DMXL1: variants seen among roughly 807,000 people sequenced by gnomAD.
The protein encoded by DMXL1 is Dmx like 1.
A neutral mutation model predicts 319.2 loss-of-function variants in DMXL1; 99 were observed. That is an observed-to-expected ratio of 0.31 (90% confidence interval 0.26 to 0.37). DMXL1 has a LOEUF of 0.37. Among genes scored for constraint, DMXL1 ranks in the 10% least tolerant of loss-of-function variants. The probability of loss-of-function intolerance (pLI) is 1.00; values close to 1 mark genes in which losing one functional copy is unlikely to be tolerated. For missense variants in DMXL1, 3,745 were observed against 3,595.6 expected (o/e 1.04, Z -1.06); for synonymous variants, 1,385 against 1,235.2 (o/e 1.12, Z -2.54).
rs1790165197 is a variant in DMXL1, at chr5:119,249,082, C to T, written c.*1863C>T. 1 of 152,502 alleles carries T rather than the reference C, an allele frequency of 6.6e-6. No homozygotes were observed. The highest frequency in any genetic ancestry group is 1.5e-5 in the Non-Finnish European group (1 of 67,960). 9.4% of individuals were successfully genotyped at this position (152,502 alleles called of 1,614,324 possible). On this transcript the variant is annotated 3_prime_UTR_variant, in exon 44 of 44. Transcript: ENST00000539542. ...CATTATGTAAGCCCATATGTATTTA[C>T]ATCCAGAGTCATAATATTTTAAATA... is the stretch of plus-strand genomic sequence containing the variant.
At chr5:119,074,839 C>G (rs1750456999) in intron 1 of DMXL1, among the ~76,000 whole-genome samples, 1 of 152,170 alleles carries the variant, frequency 6.6e-6, no homozygotes, top group Non-Finnish European at 1.5e-5. Flanking sequence ...GTGTTTAAAC[C>G]TAACAGTAAG....
At position 119,170,270 on chromosome 5, in the gene DMXL1, C is replaced by T. The variant is rs370326391; in HGVS notation, c.5479C>T (p.His1827Tyr). Residue 1827 changes from histidine (H) to tyrosine (Y), a missense_variant, in exon 24 of 44, where the codon CAT becomes TAT. Physicochemically the swap from His to Tyr is moderately conservative, Grantham distance 83 (BLOSUM62 2). Coordinates refer to ENST00000539542, the MANE Select transcript of DMXL1 (RefSeq NM_001290321.3). Reference sequence around the variant, plus strand: ...AACACATCCTCTTTTGCTGAGACGTCATTTTGGATCATCTGATACATTTTC... The same window carrying T: ...AACACATCCTCTTTTGCTGAGACGTTATTTTGGATCATCTGATACATTTTC... Reference protein sequence around the residue: ...LRTHPLLLRRHFGSSDTFSTH... With the variant: ...LRTHPLLLRRYFGSSDTFSTH... 5.6e-6 allele frequency: 9 copies of T among 1,613,634 alleles called. No individual in the cohort carries two copies. The highest frequency in any genetic ancestry group is 7.6e-6 in the Non-Finnish European group (9 of 1,179,924).
intron 40 of DMXL1, 54 bp downstream of exon 40, chr5:119,237,468 A>G: frequency 1.9e-6 from 2 of 1,070,132 alleles, no homozygotes; most frequent in East Asian, 2.4e-5. Context: ...TTTTAAATAA[A>G]CCAAGAATAC....
In DMXL1 at chr5:119,247,821, T is replaced by C. The variant is rs763479045; in HGVS notation, c.*602T>C. 1.3e-5 allele frequency: 2 copies of C among 152,148 alleles called. No individual in the cohort carries two copies. Among genetic ancestry groups the C allele is most frequent in the Non-Finnish European group, 2.9e-5 (2 of 68,018 alleles). 9.4% of individuals were successfully genotyped at this position (152,148 alleles called of 1,614,324 possible). ...GTATGTATACGTGTGTGTGTGTGTG[T>C]GTGTGTGTATCTTACACATCTTATT... is the stretch of plus-strand genomic sequence containing the variant. On this transcript the variant is annotated 3_prime_UTR_variant, in exon 44 of 44. Coordinates refer to ENST00000539542, the MANE Select transcript of DMXL1 (RefSeq NM_001290321.3).
At chr5:119,154,956 G>T (rs1214548404) in intron 19 of DMXL1, among the ~76,000 whole-genome samples, 1 of 150,730 alleles carries the variant, frequency 6.6e-6, no homozygotes, top group Non-Finnish European at 1.5e-5. Context: ...AACCTATTCT[G>T]CCTGCGCTCT....
At chr5:119,233,311 T>G (rs778573459) in intron 38 of DMXL1, 29 bp from the exon 39 acceptor site, 1 of 1,591,998 alleles carries the variant, frequency 6.3e-7, no homozygotes, top group Non-Finnish European at 8.5e-7. Flanking sequence ...TTGAAATAAA[T>G]CTGCAATTTT....
rs200328610 is a variant in DMXL1, at chr5:119,121,007, T to C, written c.970T>C (p.Ser324Pro). The change falls in exon 9 of 44, where the codon TCA (serine) becomes CCA (proline). Residue 324 changes from serine to proline, a missense_variant. Ser to Pro is a moderately conservative substitution (Grantham distance 74). This residue lies in a region of DMXL1 where 2,096 missense variants were observed against 1,985.4 expected (regional missense o/e 1.06). Coordinates refer to ENST00000539542, the MANE Select transcript of DMXL1 (RefSeq NM_001290321.3). Reference sequence around the variant, plus strand: ...ACATTTTCGTAGAGGTCGGAGGAGATCACTTGCTCTTGTAGCACATACGGG... The same window carrying C: ...ACATTTTCGTAGAGGTCGGAGGAGACCACTTGCTCTTGTAGCACATACGGG... ...LRHFRRGRRR[S>P]LALVAHTGYL... 6.2e-7 allele frequency: 1 copy of C among 1,612,878 alleles called. No individual in the cohort carries two copies. Among genetic ancestry groups the C allele is most frequent in the Non-Finnish European group, 8.5e-7 (1 of 1,179,756 alleles).
At chr5:119,076,716 TG>T (rs1750962634) in intron 1 of DMXL1, among the ~76,000 whole-genome samples, 1 of 152,188 alleles carries the variant, frequency 6.6e-6, no homozygotes, top group Non-Finnish European at 1.5e-5. Context: ...AGGAATTCTT[TG>T]GGGGTGTTTA....
chr5:119,074,365 C>G (rs1434562848), intron 1 of DMXL1, among the ~76,000 whole-genome samples: 2 of 152,200 alleles, frequency 1.3e-5, no homozygotes, highest in East Asian at 3.8e-4. Flanking sequence ...TCTTGCAGTT[C>G]CCCTTGAAAA....
chr5:119,203,455 C>G lies in DMXL1; in HGVS notation c.7863+19C>G. The G allele has an allele frequency of 7.2e-7, 1 of 1,395,562 alleles. No individual in the cohort carries two copies. Among genetic ancestry groups the G allele is most frequent in the Non-Finnish European group, 9.9e-7 (1 of 1,012,034 alleles). 86.4% of individuals were successfully genotyped at this position (1,395,562 alleles called of 1,614,324 possible). On this transcript the variant is annotated intron_variant, in intron 33 of 43. Coordinates refer to ENST00000539542, the MANE Select transcript of DMXL1 (RefSeq NM_001290321.3). ...AAATGAGGTCTGTATAAGTTAAAACCTGTTTACTATTTTATTATTGAAGTC... is the reference window on the plus strand; with the variant it reads ...AAATGAGGTCTGTATAAGTTAAAACGTGTTTACTATTTTATTATTGAAGTC...
intron 1 of DMXL1, among the ~76,000 whole-genome samples, chr5:119,075,350 G>A (rs914850744): frequency 1.3e-5 from 2 of 148,692 alleles, no homozygotes; most frequent in African/African-American, 2.5e-5. Flanking sequence ...AGCTGTTCTC[G>A]TGCCTCTGCC....
Position 119,147,435 on chromosome 5 carries a change from A to G in DMXL1, c.2876A>G (p.Glu959Gly), listed in dbSNP as rs369595436. ...TATAGCCAAGAATTGCATTTACCAG[A>G]AGGAGTTGAGATAATAAGTATTAAG... ...MVYSQELHLPEGVEIISIKPS... is the reference protein window; with the variant it reads ...MVYSQELHLPGGVEIISIKPS... Residue 959 changes from glutamate to glycine, a missense_variant, in exon 17 of 44, where the codon GAA (glutamate) becomes GGA (glycine). Glu to Gly is a moderately conservative substitution (Grantham distance 98). This residue lies in a region of DMXL1 where 2,096 missense variants were observed against 1,985.4 expected (regional missense o/e 1.06). Coordinates refer to ENST00000539542, the MANE Select transcript of DMXL1 (RefSeq NM_001290321.3). The G allele has an allele frequency of 1.1e-5, 17 of 1,613,362 alleles. No individual in the cohort carries two copies. The African/African-American group carries it at 1.9e-4, about 18-fold the overall frequency.
chr5:119,248,289 T>G lies in DMXL1; in HGVS notation c.*1070T>G, dbSNP rs1459390169. On this transcript the variant is annotated 3_prime_UTR_variant, in exon 44 of 44. Coordinates refer to ENST00000539542, the MANE Select transcript of DMXL1 (RefSeq NM_001290321.3). ...AGAAATGTAAAATACTCTCCAGATC[T>G]ACCATTAATAGAAAATAAACTAAAC... 5.9e-5 allele frequency: 9 copies of G among 152,528 alleles called. No homozygotes were observed. 9.4% of individuals were successfully genotyped at this position (152,528 alleles called of 1,614,324 possible).
intron 35 of DMXL1, among the ~76,000 whole-genome samples, chr5:119,217,719 G>A: frequency 6.6e-6 from 1 of 152,090 alleles, no homozygotes; most frequent in East Asian, 1.9e-4. Context: ...TAAAATAATT[G>A]TTAAATGTTA....
At chr5:119,122,086 G>C (rs1468759312) in intron 9 of DMXL1, among the ~76,000 whole-genome samples, 2 of 145,276 alleles carry the variant, frequency 1.4e-5, no homozygotes, top group Non-Finnish European at 3.1e-5. Context: ...CCGGGCGGGG[G>C]GCTGACCCCC....
intron 8 of DMXL1, among the ~76,000 whole-genome samples, chr5:119,119,806 C>A (rs757386588): frequency 6.6e-6 from 1 of 151,722 alleles, no homozygotes; most frequent in Non-Finnish European, 1.5e-5. Flanking sequence ...CCATGGCGCT[C>A]GGCCTATTAT....
intron 1 of DMXL1, among the ~76,000 whole-genome samples, chr5:119,084,369 C>T (rs1270324473): frequency 6.6e-6 from 1 of 152,162 alleles, no homozygotes; most frequent in Non-Finnish European, 1.5e-5. Context: ...ATTCACCTGC[C>T]TCAGCCTCCC....
chr5:119,103,107 A>C (rs1437872446), intron 3 of DMXL1, among the ~76,000 whole-genome samples: 1 of 150,116 alleles, frequency 6.7e-6, no homozygotes, highest in African/African-American at 2.5e-5. Flanking sequence ...AAAAAAAAAG[A>C]AAGAGCAGTG....
intron 19 of DMXL1, among the ~76,000 whole-genome samples, chr5:119,160,780 C>A (rs76350295): frequency 6.6e-6 from 1 of 152,008 alleles, no homozygotes; most frequent in Non-Finnish European, 1.5e-5. Context: ...ACTTCTTTGT[C>A]TCCTTTCACA....
Sources: gnomAD v4.1 joint callset for allele counts (sites outside exome capture counted in the v4.1 genomes callset) on GRCh38, gnomAD v4.1.1 for gene constraint, gnomAD v4.1.1 regional missense constraint, MANE v1.5 for transcripts, NCBI Gene and HGNC (gene_info 2026-07-23, HGNC 2026-07-21) for gene names.